The following PAK3 variants were observed in gnomAD, a reference collection of about 807,000 sequenced individuals.
The protein encoded by PAK3 is serine/threonine-protein kinase PAK 3.
In PAK3, 4 loss-of-function variants were observed where a neutral mutation model predicts 41.0. The ratio of observed to expected loss-of-function variants is 0.10; its 90% CI spans 0.05 to 0.22. The LOEUF (loss-of-function observed/expected upper bound fraction) is 0.22, where lower values mean the gene tolerates loss of function less well. PAK3 is among the 10% of genes least tolerant of loss of function. The pLI, the probability that PAK3 is intolerant of heterozygous loss-of-function variation, is 1.00. For synonymous variants in PAK3, 146 were observed against 139.6 expected (o/e 1.05, Z -0.32); for missense variants, 205 against 409.9 (o/e 0.50, Z 4.32).
At chrX:110,977,859 T>C (rs1241977373) in intron 1 of PAK3, among the ~76,000 whole-genome samples, 1 of 112,187 alleles carries the variant, frequency 8.9e-6, no homozygotes, top group East Asian at 2.8e-4. Context: ...ATTATTTAAA[T>C]TCTTTCTTTC....
At chrX:111,119,121 T>C (rs1375654360) in intron 4 of PAK3, among the ~76,000 whole-genome samples, 1 of 111,290 alleles carries the variant, frequency 9.0e-6, no homozygotes, top group Non-Finnish European at 1.9e-5. Context: ...AGGTAATCTC[T>C]CCTAGTACTC....
chrX:111,205,155 CA>C (rs1261344174), intron 16 of PAK3, among the ~76,000 whole-genome samples: 1 of 110,050 alleles, frequency 9.1e-6, no homozygotes, highest in Admixed American at 9.8e-5. Context: ...AGTGGAATTT[CA>C]CTAGATTTTT....
chrX:111,069,233 T>A (rs2092724107), intron 1 of PAK3, among the ~76,000 whole-genome samples: 1 of 111,962 alleles, frequency 8.9e-6, no homozygotes, highest in South Asian at 3.8e-4. Flanking sequence ...TCAGGACACA[T>A]CATGTTGACT....
chrX:111,066,733 A>G (rs1245848179), intron 1 of PAK3, among the ~76,000 whole-genome samples: 6 of 112,143 alleles, frequency 5.4e-5, no homozygotes, highest in African/African-American at 1.9e-4. Context: ...ACAAAACAAT[A>G]ACAATAGTTG....
At chrX:111,077,419 C>T (rs1269200263) in intron 1 of PAK3, among the ~76,000 whole-genome samples, 1 of 111,844 alleles carries the variant, frequency 8.9e-6, no homozygotes, top group Non-Finnish European at 1.9e-5. Flanking sequence ...TATCACAAAA[C>T]TCTATTAATC....
At chrX:110,952,642 G>A (rs1403011092) in intron 1 of PAK3, among the ~76,000 whole-genome samples, 1 of 111,162 alleles carries the variant, frequency 9.0e-6, no homozygotes, top group Non-Finnish European at 1.9e-5. Flanking sequence ...TGAGCTGTCA[G>A]AAGATGGGTG....
At chrX:111,021,116 C>T (rs1237307165) in intron 1 of PAK3, among the ~76,000 whole-genome samples, 1 of 111,757 alleles carries the variant, frequency 8.9e-6, no homozygotes, top group Non-Finnish European at 1.9e-5. Context: ...AGCTCTATTG[C>T]CCTTCCTACC....
At chrX:111,038,492 A>G (rs2092421802) in intron 1 of PAK3, among the ~76,000 whole-genome samples, 1 of 111,835 alleles carries the variant, frequency 8.9e-6, no homozygotes, top group Non-Finnish European at 1.9e-5. Context: ...GGTTAAGTAT[A>G]ATGAGGTGTA....
intron 4 of PAK3, among the ~76,000 whole-genome samples, chrX:111,104,533 A>G (rs1289047182): frequency 9.0e-6 from 1 of 111,340 alleles, no homozygotes; most frequent in African/African-American, 3.3e-5. Context: ...ATACTGATGC[A>G]TTCAACTTTC....
At chrX:111,183,036 C>A (rs1273050330) in intron 11 of PAK3, among the ~76,000 whole-genome samples, 1 of 111,767 alleles carries the variant, frequency 8.9e-6, no homozygotes, top group South Asian at 3.7e-4. Flanking sequence ...TGGGAAGTAC[C>A]ACACTTGCAC....
chrX:111,123,384 C>A (rs775150736), intron 5 of PAK3, 106 bp downstream of exon 5: 1 of 642,211 alleles, frequency 1.6e-6, no homozygotes. Flanking sequence ...CAGGGCCTGC[C>A]GGCCCTTTAC....
At chrX:111,192,943 A>G (rs1000569954) in intron 13 of PAK3, among the ~76,000 whole-genome samples, 1 of 112,060 alleles carries the variant, frequency 8.9e-6, no homozygotes, top group Non-Finnish European at 1.9e-5. Context: ...AGCCAGTACA[A>G]TTTCTGGGAG....
intron 1 of PAK3, among the ~76,000 whole-genome samples, chrX:111,053,129 T>C (rs193145628): frequency 1.8e-5 from 2 of 111,846 alleles, no homozygotes; most frequent in Admixed American, 9.5e-5. Flanking sequence ...CCAGGCCTTC[T>C]TGTATTTTTT....
At chrX:111,041,477 C>G (rs2092451791) in intron 1 of PAK3, among the ~76,000 whole-genome samples, 1 of 112,058 alleles carries the variant, frequency 8.9e-6, no homozygotes, top group South Asian at 3.7e-4. Flanking sequence ...TTCACTGTGC[C>G]ACCCCTCTGC....
rs768054891 is a variant in PAK3 at position 111,225,287 on chromosome X, G to A, written c.*4840G>A. On this transcript the variant is annotated 3_prime_UTR_variant, in exon 18 of 18. Coordinates refer to ENST00000372007, the MANE Select transcript of PAK3 (RefSeq NM_002578.5). ...ATATAACCCAACATGCATTGGGAATGTGTTTAATATTAAACAATGTCTAAC... is the reference window on the plus strand; with the variant it reads ...ATATAACCCAACATGCATTGGGAATATGTTTAATATTAAACAATGTCTAAC... 2.7e-5 allele frequency: 3 copies of A among 112,213 alleles called. No homozygotes were observed. The highest frequency in any genetic ancestry group is 5.6e-5 in the Non-Finnish European group (3 of 53,297). 9.2% of individuals were successfully genotyped at this position (112,213 alleles called of 1,213,427 possible). A position where few individuals can be genotyped will look rare whatever the true frequency, so the allele number is the denominator to read the frequency against.
intron 1 of PAK3, among the ~76,000 whole-genome samples, chrX:111,075,292 C>T: frequency 8.9e-6 from 1 of 112,576 alleles, no homozygotes; most frequent in Non-Finnish European, 1.9e-5. Context: ...CCATCACAGG[C>T]CCAGAGGCTT....
chrX:111,007,362 G>T (rs1012282887), intron 1 of PAK3, among the ~76,000 whole-genome samples: 6 of 111,530 alleles, frequency 5.4e-5, no homozygotes, highest in Non-Finnish European at 1.1e-4. Flanking sequence ...AATGGAAGAA[G>T]GTATGAATGG....
intron 4 of PAK3, among the ~76,000 whole-genome samples, chrX:111,106,752 A>G (rs760522678): frequency 4.5e-5 from 5 of 111,840 alleles, no homozygotes; most frequent in Non-Finnish European, 9.4e-5. Flanking sequence ...TTTGTTTGCC[A>G]CTAGTGCTCT....
chrX:111,031,941 A>G (rs764968199), intron 1 of PAK3, among the ~76,000 whole-genome samples: 14 of 112,560 alleles, frequency 1.2e-4, no homozygotes, highest in African/African-American at 4.2e-4. Flanking sequence ...ATATCTTGAA[A>G]TATCATTTGT....
Sources: gnomAD v4.1 joint callset for allele counts (sites outside exome capture counted in the v4.1 genomes callset) on GRCh38, gnomAD v4.1.1 for gene constraint, MANE v1.5 for transcripts, NCBI Gene and HGNC (gene_info 2026-07-23, HGNC 2026-07-21) for gene names.